Variants in SRPK2 observed in about 807,000 individuals in gnomAD.
SRPK2 encodes the protein SFRS protein kinase 2.
Under a neutral mutation model 90.8 loss-of-function variants are expected in SRPK2, and 21 were observed. The ratio of observed to expected loss-of-function variants is 0.23; its 90% CI spans 0.16 to 0.33. The LOEUF (loss-of-function observed/expected upper bound fraction) is 0.33. Ranked by LOEUF, SRPK2 falls within the 10% of genes least tolerant of loss-of-function variation. The pLI, the probability that SRPK2 is intolerant of heterozygous loss-of-function variation, is 1.00. For missense variants in SRPK2, 620 were observed against 869.0 expected (o/e 0.71, Z 3.60); for synonymous variants, 288 against 311.1 (o/e 0.93, Z 0.78).
At chr7:105,380,816 C>A (rs1820858795) in intron 2 of SRPK2, among the ~76,000 whole-genome samples, 1 of 151,680 alleles carries the variant, frequency 6.6e-6, no homozygotes, top group South Asian at 2.1e-4. Flanking sequence ...GCTACCACGC[C>A]CAGCTGCTAA....
At chr7:105,122,077 A>C (rs1436459202) in intron 15 of SRPK2, among the ~76,000 whole-genome samples, 2 of 152,250 alleles carry the variant, frequency 1.3e-5, no homozygotes, top group Non-Finnish European at 2.9e-5. Context: ...GAATTCTTAC[A>C]CAAGTAGACA....
rs1821945130 is a variant in SRPK2, at chr7:105,388,659, T to C, written c.60A>G (p.Lys20=). Residue 20 remains lysine, a synonymous_variant, in exon 2 of 16, where the codon AAA becomes AAG. Transcript: ENST00000393651. The stretch of plus-strand genomic sequence containing the variant: ...CAGCGTGGACTCACTTTTTCGGATG[T>C]TTCTCTCTTTTCGGCCTCCGCTTTC... ...QARKRRPKRE[K]HPKKPEPQQK... 1 of 1,586,136 alleles carries C rather than the reference T, an allele frequency of 6.3e-7. No homozygotes were observed. The highest frequency in any genetic ancestry group is 8.6e-7 in the Non-Finnish European group (1 of 1,166,196).
At chr7:105,358,693 A>C (rs996310288) in intron 2 of SRPK2, among the ~76,000 whole-genome samples, 4 of 152,150 alleles carry the variant, frequency 2.6e-5, no homozygotes, top group African/African-American at 4.8e-5. Flanking sequence ...GTCTCAAAAA[A>C]GAAAAGAAAG....
At chr7:105,302,175 G>A (rs1051024084) in intron 2 of SRPK2, 2 of 917,570 alleles carry the variant, frequency 2.2e-6, no homozygotes, top group African/African-American at 1.7e-5. Flanking sequence ...GTATTGAGGT[G>A]GCTTTTTATA....
At chr7:105,159,721 A>G (rs950226154) in intron 7 of SRPK2, among the ~76,000 whole-genome samples, 3 of 152,198 alleles carry the variant, frequency 2.0e-5, no homozygotes, top group African/African-American at 7.2e-5. Flanking sequence ...CATCATCTCT[A>G]AGCCTGACCC....
At chr7:105,372,136 TA>T (rs55928342) in intron 2 of SRPK2, among the ~76,000 whole-genome samples, 3,932 of 76,854 alleles carry the variant, frequency 0.051, 53 homozygotes, top group African/African-American at 0.12. Context: ...CTCCAACTCA[TA>T]AAAAAAAAAA....
At chr7:105,145,871 C>A (rs918552481) in intron 8 of SRPK2, among the ~76,000 whole-genome samples, 5 of 152,092 alleles carry the variant, frequency 3.3e-5, no homozygotes, top group Non-Finnish European at 7.3e-5. Flanking sequence ...GAAGAGAGCC[C>A]CAGGCAGTCC....
At chr7:105,378,294 G>C (rs999625422) in intron 2 of SRPK2, among the ~76,000 whole-genome samples, 1 of 152,094 alleles carries the variant, frequency 6.6e-6, no homozygotes, top group African/African-American at 2.4e-5. Flanking sequence ...TATCCATAAT[G>C]ATTAGAAAGA....
intron 2 of SRPK2, among the ~76,000 whole-genome samples, chr7:105,242,007 G>C (rs918403057): frequency 2.6e-5 from 4 of 151,962 alleles, no homozygotes; most frequent in South Asian, 2.1e-4. Flanking sequence ...CAAGGATCAG[G>C]TCAAATTCAA....
chr7:105,365,774 A>G (rs1204895843), intron 2 of SRPK2, among the ~76,000 whole-genome samples: 4 of 151,670 alleles, frequency 2.6e-5, no homozygotes, highest in Admixed American at 1.3e-4. Context: ...CCGGCCTGGG[A>G]GAACAAAACT....
chr7:105,152,811 GGATCACAAGGTCAGGA>G (rs1805905382), intron 7 of SRPK2, among the ~76,000 whole-genome samples: 1 of 152,006 alleles, frequency 6.6e-6, no homozygotes, highest in Non-Finnish European at 1.5e-5. Context: ...CGAAATGGGC[GGATCACAAGGTCAGGA>G]GATCCAGACC....
At chr7:105,329,992 G>A (rs532626329) in intron 2 of SRPK2, among the ~76,000 whole-genome samples, 7 of 152,110 alleles carry the variant, frequency 4.6e-5, no homozygotes, top group African/African-American at 1.4e-4. Context: ...CCGAGATCAC[G>A]TCCCGGCACT....
chr7:105,311,346 C>T (rs1811689088), intron 2 of SRPK2, among the ~76,000 whole-genome samples: 1 of 152,144 alleles, frequency 6.6e-6, no homozygotes, highest in South Asian at 2.1e-4. Context: ...AATTCTCCTG[C>T]CTCAGCCTTC....
At chr7:105,135,807 T>G (rs1368640342) in intron 11 of SRPK2, among the ~76,000 whole-genome samples, 1 of 150,930 alleles carries the variant, frequency 6.6e-6, no homozygotes, top group South Asian at 2.1e-4. Context: ...CTCTGTCGCC[T>G]AGGCTGGAGT....
intron 3 of SRPK2, among the ~76,000 whole-genome samples, chr7:105,174,871 T>C (rs1791627744): frequency 6.6e-6 from 1 of 152,116 alleles, no homozygotes; most frequent in African/African-American, 2.4e-5. Flanking sequence ...CGGCTGGGCA[T>C]GGTGGCTCAT....
In SRPK2 at chr7:105,330,704, G is replaced by A. The variant is rs148510649; in HGVS notation, c.71+57944C>T. Among the ~76,000 whole-genome samples, 347 of 152,286 alleles carry A rather than the reference G, an allele frequency of 2.3e-3. 1 individual carries two copies. The highest frequency in any genetic ancestry group is 8.0e-3 in the African/African-American group (333 of 41,560). ...TAAAAAGTGGTGGCAAGAGGGTCAC[G>A]TGCAGTGGCTCCTGCCTGTAATCTA... On this transcript the variant is annotated intron_variant, in intron 2 of 15. Transcript: ENST00000393651.
intron 2 of SRPK2, among the ~76,000 whole-genome samples, chr7:105,253,535 C>T (rs1018528468): frequency 1.3e-5 from 2 of 152,108 alleles, no homozygotes; most frequent in Admixed American, 6.6e-5. Context: ...TCTCTTTTCC[C>T]GCTTATGCAA....
chr7:105,145,412 C>T, intron 8 of SRPK2, 104 bp from the exon 9 acceptor site: 2 of 739,184 alleles, frequency 2.7e-6, no homozygotes, highest in East Asian at 5.9e-5. Flanking sequence ...CTTTTAATGG[C>T]TATCCAACTT....
intron 6 of SRPK2, 106 bp from the exon 7 acceptor site, chr7:105,160,719 T>C (rs752163189): frequency 1.0e-3 from 638 of 619,864 alleles, no homozygotes; most frequent in Non-Finnish European, 4.2e-4. Flanking sequence ...CTTTATAAAA[T>C]ACAACATCAA....
Sources: gnomAD v4.1 joint callset for allele counts (sites outside exome capture counted in the v4.1 genomes callset) on GRCh38, gnomAD v4.1.1 for gene constraint, MANE v1.5 for transcripts, NCBI Gene and HGNC (gene_info 2026-07-23, HGNC 2026-07-21) for gene names.